Variants in KDM3B observed in about 807,000 individuals in gnomAD.
KDM3B encodes the protein lysine-specific demethylase 3B.
Under a neutral mutation model 170.0 loss-of-function variants are expected in KDM3B, and 10 were observed. The ratio of observed to expected loss-of-function variants is 0.06; its 90% confidence interval spans 0.04 to 0.10. KDM3B has a LOEUF of 0.10. Among genes scored for constraint, KDM3B ranks in the 10% least tolerant of loss-of-function variants. KDM3B has a pLI of 1.00. For missense variants in KDM3B, 1,394 were observed against 2,195.2 expected (o/e 0.64, Z 7.29); for synonymous variants, 831 against 834.8 (o/e 1.00, Z 0.08).
chr5:138,372,913 CAG>C, intron 2 of KDM3B, 72 bp downstream of exon 2: 1 of 1,374,684 alleles, frequency 7.3e-7, no homozygotes, highest in Non-Finnish European at 1.0e-6. Context: ...ATGTTAGGGA[CAG>C]AGTATGTGTA....
intron 1 of KDM3B, among the ~76,000 whole-genome samples, chr5:138,354,334 G>T (rs1580867886): frequency 6.6e-6 from 1 of 152,212 alleles, no homozygotes; most frequent in Admixed American, 6.5e-5. Context: ...TGATGATTAA[G>T]ACTGGGATTT....
intron 11 of KDM3B, among the ~76,000 whole-genome samples, chr5:138,406,297 A>T (rs989007837): frequency 5.9e-5 from 9 of 152,166 alleles, no homozygotes; most frequent in Non-Finnish European, 1.2e-4. Flanking sequence ...GTGAGCCATG[A>T]TTGCACCACT....
intron 4 of KDM3B, among the ~76,000 whole-genome samples, chr5:138,378,201 T>C (rs1360741633): frequency 3.3e-5 from 5 of 152,220 alleles, no homozygotes; most frequent in East Asian, 1.9e-4. Context: ...TTTCATAATA[T>C]ACAGTTTTAT....
chr5:138,355,973 T>C lies in KDM3B; in HGVS notation c.192+2986T>C, dbSNP rs139798406. Among the ~76,000 whole-genome samples, 247 of 152,348 alleles carry C rather than the reference T, an allele frequency of 1.6e-3. 4 individuals are homozygous for C. The highest frequency in any genetic ancestry group is 0.014 in the Admixed American group (218 of 15,308). ...TTCCCTCTTTTTTTAGCAAATGGTGTCCTACTGCACAATATTTGCACCCTG... is the reference window on the plus strand; with the variant it reads ...TTCCCTCTTTTTTTAGCAAATGGTGCCCTACTGCACAATATTTGCACCCTG... On this transcript the variant is annotated intron_variant, in intron 1 of 23. Coordinates refer to ENST00000314358, the MANE Select transcript of KDM3B (RefSeq NM_016604.4).
intron 6 of KDM3B, among the ~76,000 whole-genome samples, chr5:138,382,895 C>G (rs188031476): frequency 1.3e-3 from 195 of 152,224 alleles, no homozygotes; most frequent in Middle Eastern, 6.8e-3. Context: ...GTATTGGTCC[C>G]CTTTTTTGTT....
rs747486569 is a variant in KDM3B, at chr5:138,391,606, T to C, written c.1974T>C (p.Gly658=). Residue 658 remains glycine, a synonymous_variant, in exon 8 of 24, where the codon GGT becomes GGC. Transcript: ENST00000314358. This position sits in a 1 kb window ranked among gnomAD's most constrained non-coding sequence, Gnocchi z 5.0. ...PFSSFASQAS[G]SSSSATTVTS... ...GTAGTTTTGCATCTCAGGCATCAGG[T>C]AGCTCCTCTTCTGCTACCACTGTCA... 13 of 1,614,026 alleles carry C rather than the reference T, an allele frequency of 8.1e-6. No homozygotes were observed. Among genetic ancestry groups the C allele is most frequent in the Admixed American group, 6.7e-5 (4 of 60,004 alleles).
chr5:138,372,543 T>A, intron 1 of KDM3B, 131 bp from the exon 2 acceptor site: 1 of 765,978 alleles, frequency 1.3e-6, no homozygotes. Context: ...TGACACCCAT[T>A]AAAATAACTT....
intron 7 of KDM3B, among the ~76,000 whole-genome samples, chr5:138,388,682 T>C (rs919443225): frequency 2.1e-5 from 3 of 142,106 alleles, no homozygotes; most frequent in Admixed American, 7.1e-5. Flanking sequence ...CTTGGTGGCA[T>C]GTGTCTGTAA....
At chr5:138,356,810 T>C (rs1204123775) in intron 1 of KDM3B, among the ~76,000 whole-genome samples, 3 of 151,534 alleles carry the variant, frequency 2.0e-5, no homozygotes, top group Non-Finnish European at 2.9e-5. Flanking sequence ...GCCCAGGTAA[T>C]TTTTTGTATT....
intron 11 of KDM3B, among the ~76,000 whole-genome samples, chr5:138,414,622 T>G (rs546687303): frequency 5.9e-4 from 90 of 152,324 alleles, no homozygotes; most frequent in Non-Finnish European, 1.1e-3. Context: ...CTAAACTCAC[T>G]GAAGTAAACA....
intron 11 of KDM3B, among the ~76,000 whole-genome samples, chr5:138,407,517 G>A (rs191529251): frequency 2.0e-4 from 31 of 151,954 alleles, no homozygotes; most frequent in African/African-American, 6.0e-4. Flanking sequence ...ATGTGTGTCC[G>A]TGTCCAAAAT....
chr5:138,357,077 G>A (rs112923679), intron 1 of KDM3B, among the ~76,000 whole-genome samples: 54 of 151,268 alleles, frequency 3.6e-4, no homozygotes, highest in African/African-American at 1.2e-3. Context: ...TGGAGTGCAG[G>A]GGCATAATTA....
At chr5:138,429,671 G>C (rs2127005911) in intron 20 of KDM3B, among the ~76,000 whole-genome samples, 155 bp from the exon 21 acceptor site, 1 of 152,312 alleles carries the variant, frequency 6.6e-6, no homozygotes, top group East Asian at 1.9e-4. Flanking sequence ...TCTGTGTGTA[G>C]GGAGCTTAGA....
chr5:138,404,638 A>AT (rs1561781860), intron 11 of KDM3B, among the ~76,000 whole-genome samples: 1 of 151,954 alleles, frequency 6.6e-6, no homozygotes, highest in Non-Finnish European at 1.5e-5. Flanking sequence ...AAAAAAAAAA[A>AT]ACAAAAGAAT....
chr5:138,415,119 A>G lies in KDM3B; in HGVS notation c.3200-13A>G, dbSNP rs768718014. On this transcript the variant is annotated splice_polypyrimidine_tract_variant and intron_variant, in intron 11 of 23. Coordinates refer to ENST00000314358, the MANE Select transcript of KDM3B (RefSeq NM_016604.4). Reference sequence around the variant, plus strand: ...TGACCCTTATAAAATAAGTGAAATCATTTCTATTTCAGAGACAGAAGAGAT... The same window carrying G: ...TGACCCTTATAAAATAAGTGAAATCGTTTCTATTTCAGAGACAGAAGAGAT... The G allele has an allele frequency of 1.3e-6, 2 of 1,551,338 alleles. No individual in the cohort carries two copies. Among genetic ancestry groups the G allele is most frequent in the Non-Finnish European group, 1.8e-6 (2 of 1,130,958 alleles).
At chr5:138,428,172 G>T in intron 20 of KDM3B, 86 bp downstream of exon 20, 1 of 1,317,560 alleles carries the variant, frequency 7.6e-7, no homozygotes. Flanking sequence ...AGGGCCAGTG[G>T]CTTTTCCTTT....
At chr5:138,428,239 C>T (rs1194982913) in intron 20 of KDM3B, among the ~76,000 whole-genome samples, 153 bp downstream of exon 20, 1 of 149,936 alleles carries the variant, frequency 6.7e-6, no homozygotes, top group Non-Finnish European at 1.5e-5. Flanking sequence ...GGCAGAGTCT[C>T]GCTCTGTCCC....
chr5:138,398,138 G>T, intron 9 of KDM3B, 40 bp from the exon 10 acceptor site: 1 of 1,500,108 alleles, frequency 6.7e-7, no homozygotes. Context: ...GTTAGTTTGC[G>T]TTGCTCCTGC....
At chr5:138,360,551 T>A (rs962219921) in intron 1 of KDM3B, among the ~76,000 whole-genome samples, 2 of 140,744 alleles carry the variant, frequency 1.4e-5, no homozygotes, top group Non-Finnish European at 3.1e-5. Flanking sequence ...TGTGTGTGTG[T>A]GAATTTTAAT....
Sources: gnomAD v4.1 joint callset for allele counts (sites outside exome capture counted in the v4.1 genomes callset) on GRCh38, gnomAD v4.1.1 for gene constraint, Gnocchi (gnomAD v3.1) non-coding constraint, MANE v1.5 for transcripts, NCBI Gene and HGNC (gene_info 2026-07-23, HGNC 2026-07-21) for gene names.